The following CACNA1S variants were observed in gnomAD, a reference collection of about 807,000 sequenced individuals.
CACNA1S encodes the protein voltage-dependent L-type calcium channel subunit alpha-1S.
In CACNA1S, 126 loss-of-function variants were observed where a neutral mutation model predicts 207.4. That is an observed-to-expected ratio of 0.61 (90% CI 0.53 to 0.70). CACNA1S has a LOEUF of 0.70. Ranked by LOEUF, CACNA1S falls within the 30% of genes least tolerant of loss-of-function variation. The pLI is 0.00. For synonymous variants in CACNA1S, 960 were observed against 932.7 expected (o/e 1.03, Z -0.53); for missense variants, 2,349 against 2,422.8 (o/e 0.97, Z 0.64).
intron 12 of CACNA1S, among the ~76,000 whole-genome samples, chr1:201,075,886 G>C (rs937728063): frequency 6.6e-6 from 1 of 152,150 alleles, no homozygotes; most frequent in Non-Finnish European, 1.5e-5. Flanking sequence ...TGGCCAACAT[G>C]GTGAGACCCC....
rs144059385 is a variant in CACNA1S at position 201,043,519 on chromosome 1, G to A, written c.4810C>T (p.Leu1604=). ...AGGAAGTTGTCCACCTGGCCAAACA[G>A]GCCTCCAGTCCTCTAGGGGCAAGGA... is the stretch of plus-strand genomic sequence containing the variant. ...EEGIFRRTGG[L]FGQVDNFLER... is the part of the protein sequence containing the mutation. The change falls in exon 40 of 44, where the codon CTG becomes TTG. Residue 1604 remains leucine, a synonymous_variant. Coordinates refer to ENST00000362061, the MANE Select transcript of CACNA1S (RefSeq NM_000069.3). 4 of 1,613,942 alleles carry A rather than the reference G, an allele frequency of 2.5e-6. No individual in the cohort carries two copies. The African/African-American group carries it at 5.3e-5, about 22-fold the overall frequency.
chr1:201,057,456 C>G (rs1288556734), intron 28 of CACNA1S, among the ~76,000 whole-genome samples: 1 of 152,218 alleles, frequency 6.6e-6, no homozygotes, highest in East Asian at 1.9e-4. Context: ...ATGTACTTGT[C>G]ATACCTGTCA....
At chr1:201,050,924 T>TC (rs370767860) in intron 33 of CACNA1S, 60 bp downstream of exon 33, 46 of 1,552,312 alleles carry the variant, frequency 3.0e-5, no homozygotes, top group Non-Finnish European at 3.8e-5. Context: ...GCAGGCAGGC[T>TC]CCCCCATGCC....
intron 28 of CACNA1S, among the ~76,000 whole-genome samples, chr1:201,056,066 G>GAC (rs1350288817): frequency 2.5e-3 from 168 of 68,344 alleles, no homozygotes; most frequent in African/African-American, 7.6e-3. Flanking sequence ...CAGACAGACA[G>GAC]ACAGACACAC....
Position 201,085,837 on chromosome 1 carries a change from C to T in CACNA1S, c.1005-256G>A, listed in dbSNP as rs111258345. On this transcript the variant is annotated intron_variant, in intron 7 of 43. Transcript: ENST00000362061. ...CCTTCCTCATTTCTTTCTTCTCATC[C>T]ATCTCATTGTCTCCTGCCTTGTTTT... 9.8e-3 allele frequency among the ~76,000 whole-genome samples: 1,487 copies of T among 152,220 alleles called. 9 individuals are homozygous for T. The highest frequency in any genetic ancestry group is 0.031 in the Middle Eastern group (9 of 294).
In CACNA1S at chr1:201,079,146, G is replaced by A. The variant is rs1354439985; in HGVS notation, c.1394-1042C>T. On this transcript the variant is annotated intron_variant, in intron 10 of 43. Transcript: ENST00000362061. ...AAAAAAAAAAAACAAAAAAACCCAA[G>A]ACTCTCCCATTTTCCCTCTATCTTC... 3.8e-4 allele frequency among the ~76,000 whole-genome samples: 54 copies of A among 142,274 alleles called. 1 individual carries two copies. Among genetic ancestry groups the A allele is most frequent in the Non-Finnish European group, 7.0e-4 (44 of 63,274 alleles). The allele number at this position is 142,274 out of a possible 152,430, so 93.3% of individuals were successfully genotyped here. A position where few individuals can be genotyped will look rare whatever the true frequency, so the allele number is the denominator to read the frequency against.
At chr1:201,061,735 G>A (rs1370506135) in intron 24 of CACNA1S, among the ~76,000 whole-genome samples, 1 of 152,210 alleles carries the variant, frequency 6.6e-6, no homozygotes, top group Admixed American at 6.5e-5. Flanking sequence ...ACACCTATGG[G>A]GGACTGCGTG....
chr1:201,110,001 T>C (rs1295405715), intron 2 of CACNA1S, among the ~76,000 whole-genome samples, 163 bp downstream of exon 2: 2 of 152,186 alleles, frequency 1.3e-5, no homozygotes, highest in Non-Finnish European at 2.9e-5. Context: ...TGGAAACCCA[T>C]TGAGCCACTC....
chr1:201,093,977 G>C lies in CACNA1S; in HGVS notation c.303C>G (p.Ala101=). Residue 101 remains alanine, a synonymous_variant, in exon 3 of 44, where the codon GCC becomes GCG. Transcript: ENST00000362061. ...AGCCGTAGGCAATGATCTTCATGGC[G>C]GCTTCAATCGAGAAGACAATGAGGA... ...YFFLIVFSIE[A]AMKIIAYGFL... The C allele has an allele frequency of 6.2e-7, 1 of 1,614,214 alleles. No homozygotes were observed. Among genetic ancestry groups the C allele is most frequent in the Non-Finnish European group, 8.5e-7 (1 of 1,180,042 alleles).
At chr1:201,100,541 G>C (rs1662613807) in intron 2 of CACNA1S, among the ~76,000 whole-genome samples, 1 of 152,208 alleles carries the variant, frequency 6.6e-6, no homozygotes, top group Non-Finnish European at 1.5e-5. Context: ...CTCTGTCTCA[G>C]GGGTCTCATT....
intron 22 of CACNA1S, 50 bp from the exon 23 acceptor site, chr1:201,062,564 C>G (rs199787523): frequency 6.3e-7 from 1 of 1,578,342 alleles, no homozygotes; most frequent in Non-Finnish European, 8.7e-7. Flanking sequence ...GTCATGGAAA[C>G]AGGATAGAAA....
At chr1:201,080,838 C>T (rs1661817205) in intron 10 of CACNA1S, among the ~76,000 whole-genome samples, 1 of 152,108 alleles carries the variant, frequency 6.6e-6, no homozygotes, top group Admixed American at 6.6e-5. Flanking sequence ...AAGAAGCATC[C>T]TTAAAGAATG....
chr1:201,046,163 TTTATTTATTTA>T (rs1159337957), intron 38 of CACNA1S, among the ~76,000 whole-genome samples: 15 of 121,970 alleles, frequency 1.2e-4, no homozygotes, highest in African/African-American at 4.7e-4. Context: ...TATTTATTTA[TTTATTTATTTA>T]TTATTTATTT....
chr1:201,076,875 T>C (rs1241057515), intron 12 of CACNA1S, 45 bp downstream of exon 12: 1 of 1,556,076 alleles, frequency 6.4e-7, no homozygotes, highest in East Asian at 2.2e-5. Flanking sequence ...AGAAGCAGGA[T>C]TCAGCAACCG....
intron 2 of CACNA1S, among the ~76,000 whole-genome samples, chr1:201,107,473 G>A (rs1336813760): frequency 6.6e-6 from 1 of 152,220 alleles, no homozygotes; most frequent in Non-Finnish European, 1.5e-5. Context: ...ATGTAATGAA[G>A]CTCTGTGAAG....
At position 201,061,842 on chromosome 1, in the gene CACNA1S, C is replaced by T; in HGVS notation, c.3053+102G>A. On this transcript the variant is annotated intron_variant, in intron 24 of 43. Coordinates refer to ENST00000362061, the MANE Select transcript of CACNA1S (RefSeq NM_000069.3). ...GTTGGTGGGTTTGTTGGACGCCTGC[C>T]ACAGGTAGCAGTAGCACCGTGGGGG... 4 of 1,356,526 alleles carry T rather than the reference C, an allele frequency of 2.9e-6. 1 individual carries two copies. In the South Asian group the frequency reaches 4.7e-5, roughly 16 times the overall value. 84.0% of individuals were successfully genotyped at this position (1,356,526 alleles called of 1,614,324 possible). A position where few individuals can be genotyped will look rare whatever the true frequency, so the allele number is the denominator to read the frequency against.
intron 14 of CACNA1S, 150 bp downstream of exon 14, chr1:201,074,356 A>G: frequency 1.4e-6 from 1 of 691,748 alleles, no homozygotes; most frequent in Non-Finnish European, 2.7e-6. Context: ...AGCCACCCCC[A>G]TGTGCAGGTT....
At chr1:201,065,358 G>A (rs1438018208) in intron 22 of CACNA1S, among the ~76,000 whole-genome samples, 1 of 152,188 alleles carries the variant, frequency 6.6e-6, no homozygotes, top group Non-Finnish European at 1.5e-5. Flanking sequence ...ATTGAAAGAT[G>A]GCTGTCTCTT....
At chr1:201,111,044 G>A (rs1198536293) in intron 1 of CACNA1S, among the ~76,000 whole-genome samples, 3 of 148,906 alleles carry the variant, frequency 2.0e-5, no homozygotes, top group African/African-American at 7.8e-5. Flanking sequence ...TTTGAGAAAA[G>A]AGGAGGGCCA....
Sources: allele counts gnomAD v4.1 joint callset (sites outside exome capture counted in the v4.1 genomes callset), GRCh38; gene constraint gnomAD v4.1.1; transcripts MANE v1.5; gene names NCBI Gene and HGNC (gene_info 2026-07-23, HGNC 2026-07-21).